The following GYS2 variants were observed in gnomAD, a reference collection of about 807,000 sequenced individuals.
GYS2 encodes glycogen [starch] synthase, liver.
Under a neutral mutation model 85.6 loss-of-function variants are expected in GYS2, and 80 were observed. The observed-to-expected ratio is 0.93, with a 90% CI of 0.78 to 1.13. GYS2 has a LOEUF of 1.13. Among genes scored for constraint, GYS2 ranks in the 50% most tolerant of loss-of-function variants. The pLI is 0.00. For synonymous variants in GYS2, 328 were observed against 300.7 expected (o/e 1.09, Z -0.94); for missense variants, 881 against 854.9 (o/e 1.03, Z -0.38).
At chr12:21,560,778 C>T (rs961741903) in intron 7 of GYS2, among the ~76,000 whole-genome samples, 17 of 152,030 alleles carry the variant, frequency 1.1e-4, no homozygotes, top group Non-Finnish European at 2.4e-4. Flanking sequence ...AAAATATTTT[C>T]GTGCCTTTGA....
At chr12:21,570,907 T>C (rs545726016) in intron 4 of GYS2, among the ~76,000 whole-genome samples, 48 of 152,352 alleles carry the variant, frequency 3.2e-4, no homozygotes, top group African/African-American at 1.0e-3. Flanking sequence ...TTCTATCCCA[T>C]TGAGTATTTT....
chr12:21,543,184 G>T (rs1943999490), intron 12 of GYS2, among the ~76,000 whole-genome samples: 1 of 152,020 alleles, frequency 6.6e-6, no homozygotes, highest in South Asian at 2.1e-4. Context: ...AATTTTACTA[G>T]TCTCAAGGAT....
intron 4 of GYS2, among the ~76,000 whole-genome samples, chr12:21,570,900 T>C (rs1944377626): frequency 6.6e-6 from 1 of 152,270 alleles, no homozygotes; most frequent in Non-Finnish European, 1.5e-5. Context: ...GAATGTTTTC[T>C]ATCCCATTGA....
At chr12:21,561,368 T>C (rs970292133) in intron 7 of GYS2, among the ~76,000 whole-genome samples, 2 of 152,170 alleles carry the variant, frequency 1.3e-5, no homozygotes, top group African/African-American at 4.8e-5. Flanking sequence ...TGGAAATGAC[T>C]GACTAGCTCC....
Position 21,604,624 on chromosome 12 carries a change from T to A in GYS2, c.-32A>T. 6.2e-7 allele frequency: 1 copy of A among 1,611,266 alleles called. No homozygotes were observed. Among genetic ancestry groups the A allele is most frequent in the Non-Finnish European group, 8.5e-7 (1 of 1,178,022 alleles). On this transcript the variant is annotated 5_prime_UTR_variant, in exon 1 of 16. Coordinates refer to ENST00000261195, the MANE Select transcript of GYS2 (RefSeq NM_021957.4). ...TACAGTCCTCCGAGACTCCTTTGAA[T>A]TCCTGTTTCAATTAGTTGTAATCCC...
chr12:21,580,822 T>C (rs752231007), intron 1 of GYS2, among the ~76,000 whole-genome samples: 27 of 152,312 alleles, frequency 1.8e-4, no homozygotes, highest in African/African-American at 2.4e-4. Flanking sequence ...GAAAAGACAA[T>C]TGGAGTAACT....
At position 21,546,475 on chromosome 12, in the gene GYS2, A is replaced by G. The variant is rs796379600; in HGVS notation, c.1423-5T>C. 3.2e-6 allele frequency: 5 copies of G among 1,585,006 alleles called. No individual in the cohort carries two copies. In the African/African-American group the frequency reaches 4.0e-5, roughly 13 times the overall value. On this transcript the variant is annotated splice_polypyrimidine_tract_variant and splice_region_variant and intron_variant, in intron 11 of 15. Coordinates refer to ENST00000261195, the MANE Select transcript of GYS2 (RefSeq NM_021957.4). ...AAACTCTGGGTGCAAAATCACCTAA[A>G]AAAGGAAAATTCTAATTTAAAAAAA...
intron 2 of GYS2, among the ~76,000 whole-genome samples, chr12:21,577,965 A>G (rs1944465387): frequency 6.6e-6 from 1 of 152,118 alleles, no homozygotes; most frequent in South Asian, 2.1e-4. Context: ...TATCCTGCAC[A>G]CTTAACCTCA....
chr12:21,574,092 T>C, intron 4 of GYS2, 52 bp downstream of exon 4: 1 of 1,380,458 alleles, frequency 7.2e-7, no homozygotes, highest in Non-Finnish European at 1.0e-6. Context: ...TCTTTCAGCT[T>C]CAGCAATCTG....
intron 14 of GYS2, among the ~76,000 whole-genome samples, chr12:21,539,564 G>A (rs1333993874): frequency 1.3e-5 from 2 of 152,298 alleles, no homozygotes; most frequent in East Asian, 3.9e-4. Context: ...GGGGAAGAAT[G>A]CCCATACTGG....
rs1380310643 is a variant in GYS2 at position 21,604,797 on chromosome 12, T to TC, written c.-206dup. On this transcript the variant is annotated 5_prime_UTR_variant, in exon 1 of 16. Transcript: ENST00000261195. ...AAGGAGGAATTCTTCCTCCTCTTTCTCGTCTTTCTGGGCAGGTATTGTGAG... is the reference window on the plus strand; with the variant it reads ...AAGGAGGAATTCTTCCTCCTCTTTCTCCGTCTTTCTGGGCAGGTATTGTGAG... 7.4e-7 allele frequency: 1 copy of TC among 1,353,858 alleles called. No individual in the cohort carries two copies. The highest frequency in any genetic ancestry group is 1.5e-5 in the African/African-American group (1 of 67,588). 83.9% of individuals were successfully genotyped at this position (1,353,858 alleles called of 1,614,324 possible).
downstream of GYS2, among the ~76,000 whole-genome samples, chr12:21,534,155 C>T (rs530063968): frequency 3.3e-5 from 5 of 152,282 alleles, no homozygotes; most frequent in South Asian, 1.0e-3. Flanking sequence ...GAAAGCAACA[C>T]ACAGTACACT....
intron 1 of GYS2, among the ~76,000 whole-genome samples, chr12:21,599,364 C>T (rs890167115): frequency 2.0e-5 from 3 of 152,100 alleles, no homozygotes; most frequent in African/African-American, 7.2e-5. Flanking sequence ...CAAAGGTCAG[C>T]AAATATTTGT....
chr12:21,561,719 A>G (rs549829217), intron 7 of GYS2, among the ~76,000 whole-genome samples: 2 of 152,340 alleles, frequency 1.3e-5, no homozygotes, highest in African/African-American at 4.8e-5. Flanking sequence ...TTGTTGAATG[A>G]ATATATACTA....
intron 1 of GYS2, among the ~76,000 whole-genome samples, chr12:21,587,622 A>T (rs1160734635): frequency 6.6e-6 from 1 of 152,082 alleles, no homozygotes; most frequent in Non-Finnish European, 1.5e-5. Context: ...ACTGTGAGAC[A>T]ATTAAACGTT....
At chr12:21,534,371 G>A (rs1327727266), downstream of GYS2, among the ~76,000 whole-genome samples, 1 of 152,078 alleles carries the variant, frequency 6.6e-6, no homozygotes. Context: ...ACAAAAATTA[G>A]CCAGCTGTGG....
intron 1 of GYS2, among the ~76,000 whole-genome samples, chr12:21,603,810 A>G (rs1225416277): frequency 6.6e-6 from 1 of 152,130 alleles, no homozygotes; most frequent in Non-Finnish European, 1.5e-5. Context: ...AAAATCATTT[A>G]CATTGTGGTT....
At chr12:21,593,733 C>T (rs1944665149) in intron 1 of GYS2, among the ~76,000 whole-genome samples, 1 of 151,948 alleles carries the variant, frequency 6.6e-6, no homozygotes, top group Non-Finnish European at 1.5e-5. Flanking sequence ...AAAAATTAAA[C>T]AGGAAGGAAT....
intron 11 of GYS2, among the ~76,000 whole-genome samples, chr12:21,557,680 ACGAGGTCAGGAGATCGAGAC>A (rs1389228679): frequency 1.3e-5 from 2 of 152,148 alleles, no homozygotes; most frequent in Non-Finnish European, 2.9e-5. Context: ...CAGGTGGATC[ACGAGGTCAGGAGATCGAGAC>A]CATCCTGGCT....
Sources: gnomAD v4.1 joint callset for allele counts (sites outside exome capture counted in the v4.1 genomes callset) on GRCh38, gnomAD v4.1.1 for gene constraint, MANE v1.5 for transcripts, NCBI Gene and HGNC (gene_info 2026-07-23, HGNC 2026-07-21) for gene names.